SNTB1: variants seen among roughly 807,000 people sequenced by gnomAD.
The protein encoded by SNTB1 is syntrophin beta 1, also known as beta-1-syntrophin.
SNTB1 carries 36 observed loss-of-function variants against 48.9 expected under a neutral mutation model. The ratio of observed to expected loss-of-function variants is 0.74; its 90% CI spans 0.56 to 0.97. The LOEUF (loss-of-function observed/expected upper bound fraction) is 0.97, where lower values mean the gene tolerates loss of function less well. Among genes scored for constraint, SNTB1 ranks in the 50% least tolerant of loss-of-function variants. SNTB1 has a pLI of 0.00. For synonymous variants in SNTB1, 299 were observed against 294.6 expected (o/e 1.01, Z -0.15); for missense variants, 786 against 703.4 (o/e 1.12, Z -1.33).
intron 3 of SNTB1, among the ~76,000 whole-genome samples, chr8:120,604,332 G>A (rs1816475236): frequency 6.6e-6 from 1 of 151,998 alleles, no homozygotes; most frequent in African/African-American, 2.4e-5. Context: ...TCCATCAAAT[G>A]TCATTTCGGG....
At chr8:120,654,993 T>C (rs1817474773) in intron 2 of SNTB1, 2 of 455,992 alleles carry the variant, frequency 4.4e-6, no homozygotes, top group Non-Finnish European at 8.8e-6. Flanking sequence ...CACATGGTCA[T>C]TATGGTCGCC....
chr8:120,696,600 G>A (rs1818214378), intron 1 of SNTB1, among the ~76,000 whole-genome samples: 1 of 152,182 alleles, frequency 6.6e-6, no homozygotes, highest in Non-Finnish European at 1.5e-5. Flanking sequence ...GAGCATCCAT[G>A]TGTCCACGAG....
At chr8:120,736,931 C>A (rs1266840613) in intron 1 of SNTB1, among the ~76,000 whole-genome samples, 1 of 152,174 alleles carries the variant, frequency 6.6e-6, no homozygotes, top group Non-Finnish European at 1.5e-5. Flanking sequence ...CTCCATCTCT[C>A]TCTCTTTCCT....
At chr8:120,731,532 G>A (rs764945364) in intron 1 of SNTB1, among the ~76,000 whole-genome samples, 4 of 152,220 alleles carry the variant, frequency 2.6e-5, no homozygotes, top group Non-Finnish European at 5.9e-5. Flanking sequence ...CTTCCAAGGC[G>A]TCTAGTCCTG....
intron 4 of SNTB1, among the ~76,000 whole-genome samples, chr8:120,564,304 A>G (rs2130671670): frequency 6.6e-6 from 1 of 152,252 alleles, no homozygotes. Context: ...AAGAGACAAT[A>G]GAGAGCTTGC....
intron 1 of SNTB1, among the ~76,000 whole-genome samples, chr8:120,797,544 C>CTTTTTTTTTTTTTTTT (rs1174800127): frequency 1.5e-5 from 1 of 68,498 alleles, no homozygotes; most frequent in African/African-American, 5.1e-5. Flanking sequence ...CAACTTGTTT[C>CTTTTTTTTTTTTTTTT]TCTTTTTTTT....
intron 1 of SNTB1, among the ~76,000 whole-genome samples, chr8:120,717,355 T>C (rs1301922176): frequency 6.6e-6 from 1 of 152,224 alleles, no homozygotes; most frequent in Non-Finnish European, 1.5e-5. Flanking sequence ...CTTCTCCCAC[T>C]GCACGAGTCG....
intron 1 of SNTB1, among the ~76,000 whole-genome samples, chr8:120,704,870 C>A (rs1818355591): frequency 6.6e-6 from 1 of 152,158 alleles, no homozygotes; most frequent in African/African-American, 2.4e-5. Context: ...ATAAAAATCT[C>A]TGTAACATGT....
intron 3 of SNTB1, among the ~76,000 whole-genome samples, chr8:120,609,430 C>T (rs1816582786): frequency 6.6e-6 from 1 of 152,148 alleles, no homozygotes; most frequent in Non-Finnish European, 1.5e-5. Context: ...AGTAATCCTG[C>T]CACCAGGCAG....
chr8:120,788,956 C>T (rs1482523731), intron 1 of SNTB1, among the ~76,000 whole-genome samples: 1 of 152,068 alleles, frequency 6.6e-6, no homozygotes, highest in African/African-American at 2.4e-5. Flanking sequence ...CTCATCAGCA[C>T]ACAAAACATT....
At chr8:120,695,188 C>T (rs1179216971) in intron 1 of SNTB1, among the ~76,000 whole-genome samples, 2 of 152,134 alleles carry the variant, frequency 1.3e-5, no homozygotes, top group African/African-American at 2.4e-5. Flanking sequence ...TTACAAATGG[C>T]AGTGAATTGG....
intron 3 of SNTB1, among the ~76,000 whole-genome samples, chr8:120,580,045 C>G (rs980376965): frequency 6.6e-6 from 1 of 152,188 alleles, no homozygotes; most frequent in Non-Finnish European, 1.5e-5. Context: ...TTATTGCTAG[C>G]ACCTCCTCAA....
chr8:120,583,514 AACACACAC>A (rs10524445), intron 3 of SNTB1, among the ~76,000 whole-genome samples: 30,192 of 142,868 alleles, frequency 0.21, 3,716 homozygotes, highest in East Asian at 0.38. Context: ...TCCGTCTCAA[AACACACAC>A]ACACACACAC....
chr8:120,587,988 T>C (rs1816176254), intron 3 of SNTB1, among the ~76,000 whole-genome samples: 2 of 152,200 alleles, frequency 1.3e-5, no homozygotes, highest in African/African-American at 2.4e-5. Flanking sequence ...GATGCTGATA[T>C]GCAGAAATTG....
intron 1 of SNTB1, among the ~76,000 whole-genome samples, chr8:120,755,508 T>C (rs1336055698): frequency 6.6e-6 from 1 of 152,062 alleles, no homozygotes; most frequent in Non-Finnish European, 1.5e-5. Flanking sequence ...AAACTAAATA[T>C]TTATGTGAAG....
intron 4 of SNTB1, among the ~76,000 whole-genome samples, chr8:120,571,889 T>C (rs1417552033): frequency 6.6e-6 from 1 of 152,124 alleles, no homozygotes; most frequent in Non-Finnish European, 1.5e-5. Context: ...AAATATTAAA[T>C]TACTTTTAAA....
chr8:120,707,127 A>G (rs1818390760), intron 1 of SNTB1, among the ~76,000 whole-genome samples: 1 of 152,178 alleles, frequency 6.6e-6, no homozygotes, highest in African/African-American at 2.4e-5. Flanking sequence ...TTGCATGCTT[A>G]TTGTCACCCT....
chr8:120,724,247 G>A (rs1293425145), intron 1 of SNTB1, among the ~76,000 whole-genome samples: 1 of 152,224 alleles, frequency 6.6e-6, no homozygotes, highest in African/African-American at 2.4e-5. Context: ...TGTACACTCT[G>A]ACAAAGTTTG....
At chr8:120,564,907 G>A (rs1258317078) in intron 4 of SNTB1, among the ~76,000 whole-genome samples, 1 of 152,096 alleles carries the variant, frequency 6.6e-6, no homozygotes, top group Admixed American at 6.6e-5. Context: ...ACAGATCAGA[G>A]AGAAGACGTC....
Sources: gnomAD v4.1 joint callset for allele counts (sites outside exome capture counted in the v4.1 genomes callset) on GRCh38, gnomAD v4.1.1 for gene constraint, MANE v1.5 for transcripts, NCBI Gene and HGNC (gene_info 2026-07-23, HGNC 2026-07-21) for gene names.